The following GULP1 variants were observed in gnomAD, a reference collection of about 807,000 sequenced individuals.
GULP1 encodes PTB domain-containing engulfment adapter protein 1.
In GULP1, 19 loss-of-function variants were observed where a neutral mutation model predicts 40.9. The observed-to-expected ratio is 0.46, with a 90% CI of 0.32 to 0.68. GULP1 has a LOEUF of 0.68. Ranked by LOEUF, GULP1 falls within the 30% of genes least tolerant of loss-of-function variation. The pLI, the probability that GULP1 is intolerant of heterozygous loss-of-function variation, is 0.03. For synonymous variants in GULP1, 119 were observed against 117.6 expected (o/e 1.01, Z -0.08); for missense variants, 312 against 362.2 (o/e 0.86, Z 1.12).
chr2:188,510,617 T>C (rs1398376621), intron 4 of GULP1, among the ~76,000 whole-genome samples: 1 of 151,992 alleles, frequency 6.6e-6, no homozygotes, highest in Non-Finnish European at 1.5e-5. Context: ...TCAGCCTCAC[T>C]AAGAAACAGA....
chr2:188,547,795 A>G (rs1207486665), intron 7 of GULP1, among the ~76,000 whole-genome samples: 1 of 152,092 alleles, frequency 6.6e-6, no homozygotes, highest in African/African-American at 2.4e-5. Context: ...AAAGGTTAAG[A>G]GTAGTTTGTC....
intron 1 of GULP1, among the ~76,000 whole-genome samples, chr2:188,314,970 A>G (rs974429460): frequency 6.6e-6 from 1 of 152,134 alleles, no homozygotes; most frequent in Non-Finnish European, 1.5e-5. Flanking sequence ...GTGATCAGGT[A>G]ACCCTTATTT....
At chr2:188,403,724 G>A (rs1328238738) in intron 2 of GULP1, among the ~76,000 whole-genome samples, 1 of 152,130 alleles carries the variant, frequency 6.6e-6, no homozygotes, top group Non-Finnish European at 1.5e-5. Context: ...GTGGCACTAA[G>A]TCTGTACCAT....
chr2:188,360,128 T>C (rs2045897484), intron 1 of GULP1, among the ~76,000 whole-genome samples: 1 of 152,144 alleles, frequency 6.6e-6, no homozygotes, highest in Non-Finnish European at 1.5e-5. Context: ...TGACATCCTG[T>C]AGTTTCCTGC....
chr2:188,455,726 G>A (rs753502308), intron 2 of GULP1, among the ~76,000 whole-genome samples: 2 of 152,194 alleles, frequency 1.3e-5, no homozygotes, highest in South Asian at 2.1e-4. Context: ...AACTGAAAAT[G>A]TGGAAGCGAA....
At chr2:188,401,402 A>G (rs1472729241) in intron 2 of GULP1, among the ~76,000 whole-genome samples, 1 of 152,082 alleles carries the variant, frequency 6.6e-6, no homozygotes, top group Non-Finnish European at 1.5e-5. Flanking sequence ...GCTTTTATTT[A>G]TGTATTTATT....
At chr2:188,496,178 G>A (rs911127669) in intron 4 of GULP1, among the ~76,000 whole-genome samples, 5 of 152,114 alleles carry the variant, frequency 3.3e-5, no homozygotes, top group Middle Eastern at 3.4e-3. Context: ...TCAGATAAGC[G>A]ATAGTATCTT....
chr2:188,470,314 T>G (rs1221153564), intron 2 of GULP1, among the ~76,000 whole-genome samples: 2 of 152,198 alleles, frequency 1.3e-5, no homozygotes, highest in East Asian at 3.8e-4. Flanking sequence ...TTTGTCCATT[T>G]ATTCTAGATT....
chr2:188,316,463 G>A (rs376978341), intron 1 of GULP1, among the ~76,000 whole-genome samples: 108 of 152,066 alleles, frequency 7.1e-4, no homozygotes, highest in Non-Finnish European at 1.3e-3. Context: ...CCTTCCACTG[G>A]CTTCCATTTC....
At chr2:188,531,482 A>T (rs1249600531) in intron 6 of GULP1, among the ~76,000 whole-genome samples, 1 of 152,174 alleles carries the variant, frequency 6.6e-6, no homozygotes, top group African/African-American at 2.4e-5. Context: ...TCAAGACGTG[A>T]ATTTAAGTCC....
At chr2:188,554,130 G>T (rs1273336696) in intron 7 of GULP1, among the ~76,000 whole-genome samples, 1 of 151,382 alleles carries the variant, frequency 6.6e-6, no homozygotes, top group African/African-American at 2.4e-5. Context: ...TATTTTTTTA[G>T]TCTCTATTTC....
intron 9 of GULP1, among the ~76,000 whole-genome samples, chr2:188,573,257 C>T (rs563840859): frequency 2.8e-5 from 4 of 144,956 alleles, no homozygotes; most frequent in Non-Finnish European, 5.9e-5. Context: ...GAAATAAACT[C>T]GTAGAACACT....
In GULP1 at chr2:188,514,612, A is replaced by G. The variant is rs146088303; in HGVS notation, c.91-8144A>G. ...TGTATGAAGCAAAATAGTCTGAAAC[A>G]TTATACTCCTTTTTTCATCATTGCT... is the stretch of plus-strand genomic sequence containing the variant. On this transcript the variant is annotated intron_variant, in intron 4 of 11. Transcript: ENST00000409830. Among the ~76,000 whole-genome samples, 782 of 152,330 alleles carry G rather than the reference A, an allele frequency of 5.1e-3. 6 individuals are homozygous for G. Among genetic ancestry groups the G allele is most frequent in the African/African-American group, 0.018 (736 of 41,578 alleles).
intron 2 of GULP1, among the ~76,000 whole-genome samples, chr2:188,396,609 A>G (rs373308076): frequency 1.3e-5 from 2 of 152,196 alleles, no homozygotes; most frequent in Non-Finnish European, 2.9e-5. Flanking sequence ...GACAGCAACC[A>G]TGGCTTTCAG....
chr2:188,537,344 C>T (rs748861702), intron 6 of GULP1, among the ~76,000 whole-genome samples: 18 of 151,932 alleles, frequency 1.2e-4, no homozygotes, highest in Non-Finnish European at 2.1e-4. Flanking sequence ...CTGTACTATT[C>T]TGAAGTATGT....
At chr2:188,588,631 T>A (rs1489715374) in intron 11 of GULP1, 1 of 152,264 alleles carries the variant, frequency 6.6e-6, no homozygotes, top group African/African-American at 2.4e-5. Flanking sequence ...AGTTATTATA[T>A]CCTATTTTTC....
chr2:188,453,785 C>T (rs1416721586), intron 2 of GULP1, among the ~76,000 whole-genome samples: 2 of 152,124 alleles, frequency 1.3e-5, no homozygotes, highest in Non-Finnish European at 2.9e-5. Context: ...GGGAATAATT[C>T]CACTAAGTAA....
At chr2:188,443,875 G>T (rs906415198) in intron 2 of GULP1, among the ~76,000 whole-genome samples, 1 of 151,938 alleles carries the variant, frequency 6.6e-6, no homozygotes, top group Non-Finnish European at 1.5e-5. Context: ...ATAATTTAGG[G>T]TGGAATTTAA....
chr2:188,535,239 T>C (rs1688622678), intron 6 of GULP1, among the ~76,000 whole-genome samples: 1 of 152,066 alleles, frequency 6.6e-6, no homozygotes, highest in Admixed American at 6.6e-5. Context: ...ATTTGTTACC[T>C]GGGTATATTG....
Sources: gnomAD v4.1 joint callset for allele counts (sites outside exome capture counted in the v4.1 genomes callset) on GRCh38, gnomAD v4.1.1 for gene constraint, MANE v1.5 for transcripts, NCBI Gene and HGNC (gene_info 2026-07-23, HGNC 2026-07-21) for gene names.